PRELID2: variants seen among roughly 807,000 people sequenced by gnomAD.
The protein encoded by PRELID2 is PRELI domain containing 2.
A neutral mutation model predicts 28.4 loss-of-function variants in PRELID2; 25 were observed. The ratio of observed to expected loss-of-function variants is 0.88; its 90% confidence interval spans 0.64 to 1.23. The LOEUF (loss-of-function observed/expected upper bound fraction) is 1.23. Among genes scored for constraint, PRELID2 ranks in the 50% most tolerant of loss-of-function variants. The probability of loss-of-function intolerance (pLI) is 0.00; values close to 1 mark genes in which losing one functional copy is unlikely to be tolerated. For missense variants in PRELID2, 201 were observed against 214.4 expected (o/e 0.94, Z 0.39); for synonymous variants, 76 against 71.6 (o/e 1.06, Z -0.31).
At chr5:145,685,983 G>C (rs1282776760) in intron 1 of PRELID2, among the ~76,000 whole-genome samples, 5 of 152,176 alleles carry the variant, frequency 3.3e-5, no homozygotes, top group African/African-American at 4.8e-5. Context: ...TCTTTGAAAA[G>C]CCCTTTGTCA....
intron 1 of PRELID2, among the ~76,000 whole-genome samples, chr5:145,645,100 A>AT (rs1754174946): frequency 6.6e-6 from 1 of 152,098 alleles, no homozygotes; most frequent in South Asian, 2.1e-4. Flanking sequence ...GATCTGTCTA[A>AT]TATTGACAGT....
At chr5:145,381,159 T>G in the PRELID2 span, among the ~76,000 whole-genome samples, 1 of 152,164 alleles carries the variant, frequency 6.6e-6, no homozygotes, top group Admixed American at 6.5e-5. Flanking sequence ...TTAAATAAAT[T>G]CAACTCTTAA....
At chr5:145,592,609 A>G (rs879573411) in intron 1 of PRELID2, among the ~76,000 whole-genome samples, 4 of 152,172 alleles carry the variant, frequency 2.6e-5, no homozygotes, top group Admixed American at 2.0e-4. Flanking sequence ...ATCATTGCTT[A>G]TATTTTTTAA....
intron 1 of PRELID2, among the ~76,000 whole-genome samples, chr5:145,546,191 G>A (rs1004161584): frequency 6.6e-5 from 10 of 151,892 alleles, no homozygotes; most frequent in African/African-American, 2.4e-4. Context: ...AATTGTTATT[G>A]TAGCATGAGG....
chr5:145,480,773 G>T (rs1343780965), intron 1 of PRELID2, among the ~76,000 whole-genome samples: 1 of 152,078 alleles, frequency 6.6e-6, no homozygotes, highest in Non-Finnish European at 1.5e-5. Flanking sequence ...AGGAAAATTT[G>T]CTTTCATAAA....
Position 145,758,168 on chromosome 5 carries a change from T to A in PRELID2, c.*2368A>T, listed in dbSNP as rs996895039. On this transcript the variant is annotated 3_prime_UTR_variant, in exon 7 of 7. Coordinates refer to ENST00000683046, the MANE Select transcript of PRELID2 (RefSeq NM_205846.3). The stretch of plus-strand genomic sequence containing the variant: ...GGTTGCCAATAAAAAACTAGGAGAT[T>A]TTTTTTTTAATTCTGTCTTTTCTTA... Among the ~76,000 whole-genome samples, 1 of 151,284 alleles carries A rather than the reference T, an allele frequency of 6.6e-6. No individual in the cohort carries two copies. Among genetic ancestry groups the A allele is most frequent in the Non-Finnish European group, 1.5e-5 (1 of 67,802 alleles).
At chr5:145,445,257 G>A in the PRELID2 span, among the ~76,000 whole-genome samples, 1 of 152,060 alleles carries the variant, frequency 6.6e-6, no homozygotes, top group Admixed American at 6.6e-5. Context: ...TTTTGATGAA[G>A]TTGCCAAGAA....
intron 1 of PRELID2, among the ~76,000 whole-genome samples, chr5:145,682,812 A>T (rs1754963459): frequency 6.6e-6 from 1 of 152,182 alleles, no homozygotes; most frequent in Middle Eastern, 3.2e-3. Flanking sequence ...ATCGAGGTTG[A>T]TCATTTCACC....
chr5:145,373,145 T>A, the PRELID2 span, among the ~76,000 whole-genome samples: 1 of 44,514 alleles, frequency 2.2e-5, no homozygotes, highest in Non-Finnish European at 3.5e-5. Context: ...TTACAACATA[T>A]ATAATATATA....
At chr5:145,428,292 A>G in the PRELID2 span, among the ~76,000 whole-genome samples, 5 of 152,112 alleles carry the variant, frequency 3.3e-5, no homozygotes, top group African/African-American at 9.7e-5. Flanking sequence ...TTGGTGCCAC[A>G]GGCTATTTGA....
chr5:145,411,567 G>T, the PRELID2 span, among the ~76,000 whole-genome samples: 7 of 152,196 alleles, frequency 4.6e-5, no homozygotes, highest in East Asian at 5.8e-4. Flanking sequence ...CCTACCAGCT[G>T]CTTTCATGGG....
At chr5:145,388,259 A>G in the PRELID2 span, among the ~76,000 whole-genome samples, 2 of 152,174 alleles carry the variant, frequency 1.3e-5, no homozygotes, top group South Asian at 2.1e-4. Flanking sequence ...GTCAAAATTA[A>G]TTAGCATTTT....
intron 1 of PRELID2, among the ~76,000 whole-genome samples, chr5:145,696,542 C>T (rs1187840380): frequency 2.0e-5 from 3 of 152,112 alleles, no homozygotes; most frequent in African/African-American, 4.8e-5. Flanking sequence ...GCTTACTGAA[C>T]CCTCGATCTC....
At chr5:145,427,823 G>T in the PRELID2 span, among the ~76,000 whole-genome samples, 3 of 152,116 alleles carry the variant, frequency 2.0e-5, no homozygotes, top group Non-Finnish European at 1.5e-5. Context: ...TAGATTAGAC[G>T]ATATTAATTA....
chr5:145,413,734 C>T, the PRELID2 span, among the ~76,000 whole-genome samples: 1 of 151,758 alleles, frequency 6.6e-6, no homozygotes, highest in Admixed American at 6.6e-5. Context: ...AATCACTATT[C>T]TACTCTCTTC....
intron 1 of PRELID2, among the ~76,000 whole-genome samples, chr5:145,577,679 A>G (rs1035269254): frequency 6.6e-6 from 1 of 152,114 alleles, no homozygotes; most frequent in Non-Finnish European, 1.5e-5. Context: ...AAGGTCTCCA[A>G]TAGATTCTAT....
the PRELID2 span, among the ~76,000 whole-genome samples, chr5:145,358,356 A>T: frequency 6.6e-6 from 1 of 151,594 alleles, no homozygotes; most frequent in African/African-American, 2.4e-5. Flanking sequence ...CAGAAGTAGG[A>T]CCTCTAGGCT....
At chr5:145,666,566 C>T (rs969626605) in intron 1 of PRELID2, among the ~76,000 whole-genome samples, 2 of 151,996 alleles carry the variant, frequency 1.3e-5, no homozygotes, top group South Asian at 4.1e-4. Context: ...CAAACTGAGC[C>T]CATCTCACTC....
chr5:145,292,853 G>A, the PRELID2 span, among the ~76,000 whole-genome samples: 2 of 151,986 alleles, frequency 1.3e-5, no homozygotes, highest in East Asian at 1.9e-4. Flanking sequence ...GACTACAGGA[G>A]CATGCCATCG....
Sources: gnomAD v4.1 joint callset for allele counts (sites outside exome capture counted in the v4.1 genomes callset) on GRCh38, gnomAD v4.1.1 for gene constraint, MANE v1.5 for transcripts, NCBI Gene and HGNC (gene_info 2026-07-23, HGNC 2026-07-21) for gene names.